The following TARM1 variants were observed in gnomAD, a reference collection of about 807,000 sequenced individuals.
TARM1 encodes the protein T cell-interacting, activating receptor on myeloid cells 1.
In TARM1, 24 loss-of-function variants were observed where a neutral mutation model predicts 30.4. The observed-to-expected ratio is 0.79, with a 90% CI of 0.57 to 1.11. TARM1 has a LOEUF of 1.11. Ranked by LOEUF, TARM1 falls within the 50% of genes least tolerant of loss-of-function variation. The pLI is 0.00. For synonymous variants in TARM1, 129 were observed against 138.9 expected (o/e 0.93, Z 0.50); for missense variants, 323 against 332.8 (o/e 0.97, Z 0.23).
At chr19:54,073,596 C>T (rs980897068) in intron 4 of TARM1, among the ~76,000 whole-genome samples, 6 of 151,596 alleles carry the variant, frequency 4.0e-5, no homozygotes, top group African/African-American at 1.4e-4. Flanking sequence ...CATGTTCAAG[C>T]AATTCTCCTG....
At chr19:54,070,207 C>A (rs1179683489) in intron 4 of TARM1, 47 bp from the exon 5 acceptor site, 8 of 1,525,496 alleles carry the variant, frequency 5.2e-6, no homozygotes, top group Non-Finnish European at 7.0e-6. Flanking sequence ...GGGTATCCCT[C>A]CTTCTCAAAT....
intron 1 of TARM1, among the ~76,000 whole-genome samples, chr19:54,080,139 G>GAA (rs1207062776): frequency 3.8e-5 from 3 of 78,656 alleles, no homozygotes; most frequent in African/African-American, 1.3e-4. Flanking sequence ...AAGGAAGGAA[G>GAA]AAAGCAAGCA....
At chr19:54,072,252 C>CT (rs2071830979) in intron 4 of TARM1, among the ~76,000 whole-genome samples, 1 of 152,052 alleles carries the variant, frequency 6.6e-6, no homozygotes, top group Admixed American at 6.6e-5. Flanking sequence ...GTATTAAACT[C>CT]TTTTTTGCAA....
intron 4 of TARM1, among the ~76,000 whole-genome samples, chr19:54,073,376 T>C (rs1600200434): frequency 9.4e-6 from 1 of 106,306 alleles, no homozygotes; most frequent in Admixed American, 1.5e-4. Flanking sequence ...GCCATTGCAC[T>C]CCATCCTGGC....
intron 1 of TARM1, among the ~76,000 whole-genome samples, chr19:54,080,044 GGAA>G (rs2072058627): frequency 6.5e-5 from 9 of 138,930 alleles, no homozygotes; most frequent in East Asian, 4.2e-4. Context: ...AAGGAAGGAA[GGAA>G]GGGAAAGAGA....
intron 1 of TARM1, chr19:54,076,399 G>T: frequency 2.2e-6 from 1 of 445,812 alleles, no homozygotes; most frequent in East Asian, 4.7e-5. Context: ...GTTGCGCTCT[G>T]TCGCCCAGGC....
chr19:54,074,427 A>G (rs1365802728), intron 3 of TARM1, among the ~76,000 whole-genome samples: 16 of 152,178 alleles, frequency 1.1e-4, no homozygotes, highest in African/African-American at 3.6e-4. Flanking sequence ...TCACACCTGT[A>G]ATCCCAGCAC....
intron 1 of TARM1, chr19:54,076,537 A>G (rs954089765): frequency 6.7e-6 from 2 of 297,590 alleles, no homozygotes; most frequent in Non-Finnish European, 1.2e-5. Flanking sequence ...TGAGTTTTGT[A>G]TTATTAGTAG....
Position 54,070,078 on chromosome 19 carries a change from C to G in TARM1, c.741G>C (p.Met247Ile), listed in dbSNP as rs779833349. The change falls in exon 5 of 5, where the codon ATG becomes ATC. Residue 247 changes from methionine (M) to isoleucine (I), a missense_variant. Physicochemically the swap from Met to Ile is conservative, Grantham distance 10. Coordinates refer to ENST00000432826, the MANE Select transcript of TARM1 (RefSeq NM_001135686.3). ...LGLAAVIVVI[M>I]GAFLVEAWYS... ...ACCAGGCCTCCACCAGGAAAGCTCCCATGATAACCACAATTACGGCAGCCA... is the reference window on the plus strand; with the variant it reads ...ACCAGGCCTCCACCAGGAAAGCTCCGATGATAACCACAATTACGGCAGCCA... 3 of 1,551,620 alleles carry G rather than the reference C, an allele frequency of 1.9e-6. No homozygotes were observed. Among genetic ancestry groups the G allele is most frequent in the South Asian group, 2.4e-5 (2 of 84,052 alleles).
At chr19:54,072,824 A>C (rs1488413655) in intron 4 of TARM1, among the ~76,000 whole-genome samples, 1 of 151,714 alleles carries the variant, frequency 6.6e-6, no homozygotes, top group East Asian at 2.0e-4. Context: ...CTAAAAATAC[A>C]AAAATTAGCC....
intron 1 of TARM1, among the ~76,000 whole-genome samples, chr19:54,080,438 A>G (rs2072093441): frequency 7.1e-6 from 1 of 141,634 alleles, no homozygotes; most frequent in African/African-American, 2.6e-5. Context: ...AGCCTGGGCG[A>G]CAGAGCGAGA....
chr19:54,080,083 A>G (rs2072062803), intron 1 of TARM1, among the ~76,000 whole-genome samples: 2 of 119,708 alleles, frequency 1.7e-5, no homozygotes, highest in East Asian at 2.6e-4. Flanking sequence ...ATGAAGGAGA[A>G]AGAGAAAGAA....
Position 54,073,975 on chromosome 19 carries a change from T to G in TARM1, c.603A>C (p.Thr201=). ...GTTCTGAGGCCCAGAAGGGAGACTT[T>G]GTCTGGTAGTACATGCAGCTGTAGT... The part of the protein sequence containing the change: ...AGNYSCMYYQ[T]KSPFWASEPS... The change falls in exon 4 of 5, where the codon ACA becomes ACC. Residue 201 remains threonine (T), a synonymous_variant. Transcript: ENST00000432826. 6.4e-7 allele frequency: 1 copy of G among 1,551,698 alleles called. No homozygotes were observed. The highest frequency in any genetic ancestry group is 8.7e-7 in the Non-Finnish European group (1 of 1,146,988).
intron 4 of TARM1, among the ~76,000 whole-genome samples, chr19:54,071,189 C>G (rs1270962907): frequency 6.6e-6 from 1 of 152,048 alleles, no homozygotes; most frequent in Non-Finnish European, 1.5e-5. Flanking sequence ...AACTCCTGGC[C>G]TCAAGTGATT....
chr19:54,076,297 C>T, intron 1 of TARM1: 1 of 1,232,640 alleles, frequency 8.1e-7, no homozygotes, highest in East Asian at 2.7e-5. Flanking sequence ...TTCATTCATT[C>T]CAGAGACAGA....
chr19:54,075,454 G>A (rs1195464045), intron 2 of TARM1, among the ~76,000 whole-genome samples: 1 of 151,444 alleles, frequency 6.6e-6, no homozygotes, highest in Admixed American at 6.6e-5. Context: ...CCAAAGTGCT[G>A]GGATTACAGG....
At chr19:54,080,180 C>A (rs73060660) in intron 1 of TARM1, among the ~76,000 whole-genome samples, 9,092 of 86,038 alleles carry the variant, frequency 0.11, 1,522 homozygotes, top group Non-Finnish European at 0.14. Context: ...AGCAAGCAAG[C>A]AAGCAAGCAA....
At chr19:54,078,778 C>G (rs1160442448) in intron 1 of TARM1, among the ~76,000 whole-genome samples, 1 of 151,998 alleles carries the variant, frequency 6.6e-6, no homozygotes, top group Non-Finnish European at 1.5e-5. Flanking sequence ...GCTGGGATTA[C>G]AGGTGTGAGA....
intron 4 of TARM1, 122 bp from the exon 5 acceptor site, chr19:54,070,282 A>C: frequency 7.5e-7 from 1 of 1,340,996 alleles, no homozygotes; most frequent in Admixed American, 2.8e-5. Context: ...TTTTTTTTTG[A>C]GACGGAGTTT....
Sources: gnomAD v4.1 joint callset for allele counts (sites outside exome capture counted in the v4.1 genomes callset) on GRCh38, gnomAD v4.1.1 for gene constraint, MANE v1.5 for transcripts, NCBI Gene and HGNC (gene_info 2026-07-23, HGNC 2026-07-21) for gene names.